PRELID2: variants seen among roughly 807,000 people sequenced by gnomAD.
PRELID2 encodes PRELI domain containing 2.
Under a neutral mutation model 28.4 loss-of-function variants are expected in PRELID2, and 25 were observed. That is an observed-to-expected ratio of 0.88 (90% CI 0.64 to 1.23). The LOEUF (loss-of-function observed/expected upper bound fraction) is 1.23, where lower values mean the gene tolerates loss of function less well. Ranked by LOEUF, PRELID2 falls within the 50% of genes most tolerant of loss-of-function variation. The pLI is 0.00. For synonymous variants in PRELID2, 76 were observed against 71.6 expected, an observed-to-expected ratio of 1.06 and a Z score of -0.31; for missense variants, 201 against 214.4, an observed-to-expected ratio of 0.94 and a Z score of 0.39.
chr5:145,776,967 T>A (rs1581180477), intron 5 of PRELID2, among the ~76,000 whole-genome samples: 2 of 152,350 alleles, frequency 1.3e-5, no homozygotes, highest in African/African-American at 4.8e-5. Flanking sequence ...TTTTAAAAAA[T>A]TCACAAATCC....
chr5:145,578,764 C>G (rs747144487), intron 1 of PRELID2, among the ~76,000 whole-genome samples: 34 of 152,070 alleles, frequency 2.2e-4, no homozygotes, highest in Non-Finnish European at 4.9e-4. Context: ...TGAGTGCTTA[C>G]TGTATGATGC....
At chr5:145,535,021 A>AT (rs1390599054) in intron 1 of PRELID2, among the ~76,000 whole-genome samples, 1 of 151,990 alleles carries the variant, frequency 6.6e-6, no homozygotes, top group Non-Finnish European at 1.5e-5. Flanking sequence ...TCTAGGCAGA[A>AT]TTTAACAAGT....
chr5:145,350,952 G>A, the PRELID2 span, among the ~76,000 whole-genome samples: 1 of 152,182 alleles, frequency 6.6e-6, no homozygotes, highest in Non-Finnish European at 1.5e-5. Context: ...TCTGTGTAAT[G>A]ATAGTAGCAG....
At chr5:145,270,751 G>A in the PRELID2 span, among the ~76,000 whole-genome samples, 5 of 152,082 alleles carry the variant, frequency 3.3e-5, no homozygotes, top group African/African-American at 9.7e-5. Flanking sequence ...AATGTGTTAT[G>A]TAGAACTGTA....
At chr5:145,431,393 CTG>C in the PRELID2 span, among the ~76,000 whole-genome samples, 13 of 151,992 alleles carry the variant, frequency 8.6e-5, no homozygotes, top group Non-Finnish European at 1.8e-4. Context: ...AACGGATAAA[CTG>C]AAAGTTTGAT....
chr5:145,692,782 C>T (rs1291742525), intron 1 of PRELID2, among the ~76,000 whole-genome samples: 2 of 152,160 alleles, frequency 1.3e-5, no homozygotes, highest in East Asian at 1.9e-4. Context: ...GCTTCAAGTG[C>T]ACTCCAGTTT....
intron 1 of PRELID2, among the ~76,000 whole-genome samples, chr5:145,484,146 G>A (rs1005227169): frequency 6.6e-6 from 1 of 152,214 alleles, no homozygotes; most frequent in African/African-American, 2.4e-5. Context: ...TCAGAGGCAG[G>A]AGAAATTACT....
Position 145,662,256 on chromosome 5 carries a change from A to C in PRELID2, n.70+102675T>G, listed in dbSNP as rs376221856. Among the ~76,000 whole-genome samples the C allele has an allele frequency of 1.2e-4, 18 of 152,222 alleles. No individual in the cohort carries two copies. The South Asian group carries it at 3.7e-3, about 32-fold the overall frequency. ...AGAAATCATAGAGAAAACCAGAGAG[A>C]CATGAGATCAAAGGAGCAAAATGAT... On this transcript the variant is annotated intron_variant and non_coding_transcript_variant, in intron 1 of 2. Coordinates refer to the PRELID2 transcript ENST00000510259.
chr5:145,648,168 CAA>C (rs1158168495), intron 1 of PRELID2, among the ~76,000 whole-genome samples: 1 of 152,106 alleles, frequency 6.6e-6, no homozygotes, highest in African/African-American at 2.4e-5. Context: ...AGTCCCTAAA[CAA>C]AAGAGTACCT....
chr5:145,427,758 T>A, the PRELID2 span, among the ~76,000 whole-genome samples: 1 of 152,108 alleles, frequency 6.6e-6, no homozygotes. Context: ...AATGGTGCTA[T>A]GAGATAGTGC....
At chr5:145,824,469 T>TGTGTGTGTGTGTGTGA (rs1554100823) in intron 1 of PRELID2, among the ~76,000 whole-genome samples, 13 of 144,218 alleles carry the variant, frequency 9.0e-5, no homozygotes, top group Admixed American at 3.5e-4. Context: ...TGTGTGATAT[T>TGTGTGTGTGTGTGTGA]GATTTATTAA....
intron 1 of PRELID2, among the ~76,000 whole-genome samples, chr5:145,507,102 T>G (rs1752419136): frequency 6.6e-6 from 1 of 152,192 alleles, no homozygotes; most frequent in Admixed American, 6.6e-5. Flanking sequence ...CCTTATAAGA[T>G]AAATACATTC....
intron 1 of PRELID2, among the ~76,000 whole-genome samples, chr5:145,707,469 T>C (rs1462042645): frequency 2.0e-5 from 3 of 152,154 alleles, no homozygotes; most frequent in Non-Finnish European, 2.9e-5. Context: ...TATAGGATCC[T>C]TAAGTGTGTC....
intron 1 of PRELID2, among the ~76,000 whole-genome samples, chr5:145,544,752 A>G (rs1752771487): frequency 6.6e-6 from 1 of 152,176 alleles, no homozygotes; most frequent in African/African-American, 2.4e-5. Flanking sequence ...GGAAGATAAC[A>G]GAATTCAAAT....
the PRELID2 span, among the ~76,000 whole-genome samples, chr5:145,231,307 TA>T: frequency 2.6e-5 from 4 of 152,106 alleles, no homozygotes; most frequent in Non-Finnish European, 5.9e-5. Context: ...TTTGGTTACA[TA>T]AGTTCTTTAG....
At chr5:145,325,611 GA>G in the PRELID2 span, among the ~76,000 whole-genome samples, 3 of 152,118 alleles carry the variant, frequency 2.0e-5, no homozygotes, top group Non-Finnish European at 2.9e-5. Context: ...TTTCTAATAA[GA>G]AAGTTAAAGT....
chr5:145,478,020 T>C (rs1043977680), intron 1 of PRELID2, among the ~76,000 whole-genome samples: 1 of 152,128 alleles, frequency 6.6e-6, no homozygotes, highest in Non-Finnish European at 1.5e-5. Flanking sequence ...TAGAAGAACC[T>C]TAAAGACCAC....
the PRELID2 span, among the ~76,000 whole-genome samples, chr5:145,391,111 C>G: frequency 6.6e-6 from 1 of 152,142 alleles, no homozygotes; most frequent in African/African-American, 2.4e-5. Context: ...TGTGGCTTTT[C>G]TAGGTGCACA....
chr5:145,752,780 A>G (rs1298519111), downstream of PRELID2, among the ~76,000 whole-genome samples: 2 of 152,160 alleles, frequency 1.3e-5, no homozygotes, highest in African/African-American at 4.8e-5. Context: ...TGCTTTCTGT[A>G]AGCCTCCTGT....
Sources: allele counts gnomAD v4.1 joint callset (sites outside exome capture counted in the v4.1 genomes callset), GRCh38; gene constraint gnomAD v4.1.1; transcripts MANE v1.5; gene names NCBI Gene and HGNC (gene_info 2026-07-23, HGNC 2026-07-21).